The following PABPC4L variants were observed in gnomAD, a reference collection of about 807,000 sequenced individuals.
PABPC4L encodes the protein polyadenylate-binding protein 4-like.
For missense variants in PABPC4L, 452 were observed against 451.4 expected (o/e 1.00, Z -0.01); for synonymous variants, 169 against 164.1 (o/e 1.03, Z -0.23).
the PABPC4L span, among the ~76,000 whole-genome samples, chr4:134,035,425 G>T: frequency 1.7e-5 from 2 of 118,614 alleles, no homozygotes; most frequent in Admixed American, 1.6e-4. Flanking sequence ...CTGATGCTTG[G>T]TTATTAAGCT....
At chr4:134,032,179 T>A in the PABPC4L span, among the ~76,000 whole-genome samples, 18 of 151,934 alleles carry the variant, frequency 1.2e-4, no homozygotes, top group East Asian at 9.6e-4. Context: ...ATTGATACCA[T>A]AGCAAAGGCA....
At chr4:134,069,439 C>A in the PABPC4L span, among the ~76,000 whole-genome samples, 2 of 152,118 alleles carry the variant, frequency 1.3e-5, no homozygotes, top group Admixed American at 1.3e-4. Flanking sequence ...CTTTGTCTCC[C>A]TCTCTTTCAG....
the PABPC4L span, among the ~76,000 whole-genome samples, chr4:134,153,695 T>A: frequency 6.6e-6 from 1 of 151,840 alleles, no homozygotes; most frequent in Non-Finnish European, 1.5e-5. Flanking sequence ...TAGTCCATGC[T>A]GGGGTGCAGT....
chr4:134,124,018 A>G, the PABPC4L span, among the ~76,000 whole-genome samples: 1 of 151,076 alleles, frequency 6.6e-6, no homozygotes, highest in African/African-American at 2.5e-5. Context: ...GGTGATTTTT[A>G]GAGAGAGTTC....
At chr4:134,087,334 C>T in the PABPC4L span, among the ~76,000 whole-genome samples, 1 of 152,078 alleles carries the variant, frequency 6.6e-6, no homozygotes, top group African/African-American at 2.4e-5. Context: ...GCTTGAAAGT[C>T]TTGTATTCAT....
the PABPC4L span, among the ~76,000 whole-genome samples, chr4:134,082,221 A>C: frequency 6.6e-6 from 1 of 152,142 alleles, no homozygotes; most frequent in Non-Finnish European, 1.5e-5. Flanking sequence ...CTAAAATCTC[A>C]TTCATCTTCT....
chr4:134,179,537 A>G, the PABPC4L span, among the ~76,000 whole-genome samples: 2 of 152,148 alleles, frequency 1.3e-5, no homozygotes, highest in African/African-American at 4.8e-5. Flanking sequence ...ACACATATCA[A>G]TGGTAACTTT....
the PABPC4L span, among the ~76,000 whole-genome samples, chr4:134,040,490 T>C: frequency 2.0e-5 from 3 of 152,170 alleles, no homozygotes; most frequent in Non-Finnish European, 4.4e-5. Flanking sequence ...GTCTCCCTAT[T>C]TAATAAATGC....
At chr4:134,110,593 GTGTGTGTGTGT>G in the PABPC4L span, among the ~76,000 whole-genome samples, 2 of 121,446 alleles carry the variant, frequency 1.6e-5, no homozygotes, top group Non-Finnish European at 3.6e-5. Context: ...GTGTGTGTGT[GTGTGTGTGTGT>G]GTATTCATTG....
chr4:134,188,865 TC>T, the PABPC4L span, among the ~76,000 whole-genome samples: 2 of 152,086 alleles, frequency 1.3e-5, no homozygotes, highest in Non-Finnish European at 2.9e-5. Context: ...AAAATTCTTG[TC>T]ATTATTGTTT....
At chr4:134,093,011 T>C in the PABPC4L span, among the ~76,000 whole-genome samples, 1 of 152,070 alleles carries the variant, frequency 6.6e-6, no homozygotes, top group Non-Finnish European at 1.5e-5. Flanking sequence ...TTTTTGAATC[T>C]ATTTGAATAG....
At chr4:134,122,635 T>G in the PABPC4L span, among the ~76,000 whole-genome samples, 1 of 151,826 alleles carries the variant, frequency 6.6e-6, no homozygotes, top group Admixed American at 6.6e-5. Context: ...TATTTCATAA[T>G]TTTAAAACAA....
At chr4:133,971,791 A>G in the PABPC4L span, among the ~76,000 whole-genome samples, 1 of 152,158 alleles carries the variant, frequency 6.6e-6, no homozygotes, top group African/African-American at 2.4e-5. Flanking sequence ...TATGAACAGC[A>G]TGCTTTTTCT....
the PABPC4L span, among the ~76,000 whole-genome samples, chr4:134,098,090 T>C: frequency 5.3e-4 from 80 of 151,842 alleles, 3 homozygotes; most frequent in Non-Finnish European, 1.0e-3. Flanking sequence ...TTAATACTTA[T>C]AGCAGTCTTA....
the PABPC4L span, among the ~76,000 whole-genome samples, chr4:134,181,880 A>C: frequency 6.6e-6 from 1 of 151,982 alleles, no homozygotes; most frequent in Admixed American, 6.6e-5. Flanking sequence ...GATAACACAA[A>C]CAAATGGAAA....
At chr4:134,160,170 A>G in the PABPC4L span, among the ~76,000 whole-genome samples, 1 of 152,104 alleles carries the variant, frequency 6.6e-6, no homozygotes, top group African/African-American at 2.4e-5. Flanking sequence ...GCTGATCTGG[A>G]AAACAATGGG....
chr4:134,100,912 CAAAATAAAGATAT>C, the PABPC4L span, among the ~76,000 whole-genome samples: 2 of 151,310 alleles, frequency 1.3e-5, no homozygotes, highest in South Asian at 4.2e-4. Context: ...TATTTATAGC[CAAAATAAAGATAT>C]AAAATAATAA....
chr4:134,180,091 A>G, the PABPC4L span, among the ~76,000 whole-genome samples: 2 of 150,976 alleles, frequency 1.3e-5, no homozygotes, highest in African/African-American at 4.9e-5. Context: ...CAGAATATAC[A>G]CTATTATCAT....
the PABPC4L span, among the ~76,000 whole-genome samples, chr4:134,056,884 T>C: frequency 6.6e-6 from 1 of 151,990 alleles, no homozygotes; most frequent in African/African-American, 2.4e-5. Context: ...ATTTCTTTCT[T>C]CCATTATTGC....
Sources: gnomAD v4.1 joint callset for allele counts (sites outside exome capture counted in the v4.1 genomes callset) on GRCh38, gnomAD v4.1.1 for gene constraint, MANE v1.5 for transcripts, NCBI Gene and HGNC (gene_info 2026-07-23, HGNC 2026-07-21) for gene names.